The following PLP1 variants were observed in gnomAD, a reference collection of about 807,000 sequenced individuals.
The protein encoded by PLP1 is proteolipid protein 1.
PLP1 carries 2 observed loss-of-function variants against 18.5 expected under a neutral mutation model. That is an observed-to-expected ratio of 0.11 (90% CI 0.04 to 0.34). PLP1 has a LOEUF of 0.34. Among genes scored for constraint, PLP1 ranks in the 10% least tolerant of loss-of-function variants. PLP1 has a pLI of 1.00. For synonymous variants in PLP1, 86 were observed against 83.2 expected, an observed-to-expected ratio of 1.03 and a Z score of -0.19; for missense variants, 105 against 207.3, an observed-to-expected ratio of 0.51 and a Z score of 3.03.
intron 3 of PLP1, chrX:103,786,963 T>G (rs936839953): frequency 8.4e-5 from 36 of 426,403 alleles, no homozygotes; most frequent in Admixed American, 4.5e-4. Flanking sequence ...GCATGAGTTT[T>G]GTGGGATGCT....
chrX:103,789,132 CTGGGTGTTAA>C lies in PLP1; in HGVS notation c.697-196_697-187del, dbSNP rs773033228. 679 of 472,595 alleles carry C rather than the reference CTGGGTGTTAA, an allele frequency of 1.4e-3. 4 individuals are homozygous for C. Among genetic ancestry groups the C allele is most frequent in the South Asian group, 9.5e-3 (324 of 33,947 alleles). 38.9% of individuals were successfully genotyped at this position (472,595 alleles called of 1,213,427 possible). A position where few individuals can be genotyped will look rare whatever the true frequency, so the allele number is the denominator to read the frequency against. On this transcript the variant is annotated intron_variant, in intron 5 of 6. Coordinates refer to ENST00000621218, the MANE Select transcript of PLP1 (RefSeq NM_000533.5). ...TACTATTTCATGACTATTCTGTGAT[CTGGGTGTTAA>C]TGGGCCAGGTGCTATGGTGTACACT... is the stretch of plus-strand genomic sequence containing the variant.
chrX:103,784,835 G>T (rs2074481249), intron 1 of PLP1, among the ~76,000 whole-genome samples: 1 of 111,977 alleles, frequency 8.9e-6, no homozygotes, highest in Admixed American at 9.4e-5. Context: ...GGCAGAGTCT[G>T]TGTCTTTTCT....
chrX:103,786,616 G>T lies in PLP1; in HGVS notation c.343G>T (p.Ala115Ser). The change falls in exon 3 of 7, where the codon GCA becomes TCA. Residue 115 changes from alanine to serine, a missense_variant. Transcript: ENST00000621218. The stretch of plus-strand genomic sequence containing the variant: ...CACCATCTGCGGCAAGGGCCTGAGC[G>T]CAACGGTAACAGGGGGCCAGAAGGG... ...KTTICGKGLS[A>S]TVTGGQKGRG... The T allele has an allele frequency of 8.3e-7, 1 of 1,211,595 alleles. No individual in the cohort carries two copies.
At chrX:103,786,232 G>C (rs765207439) in intron 2 of PLP1, 2 of 1,140,638 alleles carry the variant, frequency 1.8e-6, no homozygotes, top group Non-Finnish European at 2.3e-6. Flanking sequence ...CAGGTCCCAG[G>C]GTAAGCAAGG....
At chrX:103,777,113 C>A (rs1409065016) in intron 1 of PLP1, 114 bp downstream of exon 1, 4 of 624,574 alleles carry the variant, frequency 6.4e-6, no homozygotes, top group Non-Finnish European at 1.1e-5. Context: ...TGTTTTGGCA[C>A]TTGTTTTCTT....
chrX:103,778,560 C>A (rs2074428865), intron 1 of PLP1, among the ~76,000 whole-genome samples: 1 of 111,141 alleles, frequency 9.0e-6, no homozygotes, highest in African/African-American at 3.3e-5. Flanking sequence ...GATGAAATCC[C>A]TGAGGAAAGG....
chrX:103,789,432 T>C (rs376342119), intron 6 of PLP1, 34 bp downstream of exon 6: 9 of 1,042,426 alleles, frequency 8.6e-6, no homozygotes, highest in Non-Finnish European at 1.2e-5. Context: ...GGCAAGTAAA[T>C]AGGCCTGAGA....
In PLP1 at chrX:103,792,320, G is replaced by A. The variant is rs2074550994; in HGVS notation, c.*1722G>A. Reference sequence around the variant, plus strand: ...AAGCTTCCAGGCTGCATAGAAGGAGGAGAGGGAAAATGTTTTGTAAGAAAC... The same window carrying A: ...AAGCTTCCAGGCTGCATAGAAGGAGAAGAGGGAAAATGTTTTGTAAGAAAC... On this transcript the variant is annotated 3_prime_UTR_variant, in exon 7 of 7. Coordinates refer to ENST00000621218, the MANE Select transcript of PLP1 (RefSeq NM_000533.5). 1 of 112,224 alleles carries A rather than the reference G, an allele frequency of 8.9e-6. No homozygotes were observed. Among genetic ancestry groups the A allele is most frequent in the Admixed American group, 9.5e-5 (1 of 10,557 alleles). 9.2% of individuals were successfully genotyped at this position (112,224 alleles called of 1,213,427 possible). A position where few individuals can be genotyped will look rare whatever the true frequency, so the allele number is the denominator to read the frequency against.
chrX:103,782,728 G>T (rs555194400), intron 1 of PLP1, among the ~76,000 whole-genome samples: 43 of 111,973 alleles, frequency 3.8e-4, no homozygotes, highest in Middle Eastern at 4.2e-3. Context: ...ACTTGCTAGG[G>T]TGGATGGCTC....
chrX:103,787,403 G>T, intron 3 of PLP1: 1 of 223,371 alleles, frequency 4.5e-6, no homozygotes, highest in Non-Finnish European at 8.1e-6. Context: ...TATTGGCTTT[G>T]TTCAATGGCT....
chrX:103,786,432 T>C, intron 2 of PLP1, 33 bp from the exon 3 acceptor site: 4 of 1,194,714 alleles, frequency 3.3e-6, no homozygotes, highest in Non-Finnish European at 4.5e-6. Context: ...TTAATAAGAT[T>C]CCCTGGTCTC....
At chrX:103,780,999 G>A (rs1339725227) in intron 1 of PLP1, 1 of 149,051 alleles carries the variant, frequency 6.7e-6, no homozygotes, top group Non-Finnish European at 1.3e-5. Flanking sequence ...CTCACTCAAT[G>A]AGCCTGCCTG....
chrX:103,785,106 G>A (rs1198286433), intron 1 of PLP1, among the ~76,000 whole-genome samples: 5 of 107,989 alleles, frequency 4.6e-5, no homozygotes, highest in African/African-American at 6.8e-5. Context: ...ACAGAGTCTC[G>A]CTCTTACTGC....
At position 103,790,758 on chromosome X, in the gene PLP1, C is replaced by T. The variant is rs1045945132; in HGVS notation, c.*160C>T. The T allele has an allele frequency of 1.8e-5, 9 of 503,096 alleles. No individual in the cohort carries two copies. The African/African-American group carries it at 1.9e-4, about 10-fold the overall frequency. 41.5% of individuals were successfully genotyped at this position (503,096 alleles called of 1,213,427 possible). ...GAGAGTCTTGCAGTGATTAAGGTCT[C>T]TCTTTGGACTCTCCCCTCTTATGTA... On this transcript the variant is annotated 3_prime_UTR_variant, in exon 7 of 7. Transcript: ENST00000621218.
At position 103,782,814 on chromosome X, in the gene PLP1, G is replaced by T. The variant is rs373973633; in HGVS notation, c.5-2768G>T. ...CCCCCTCCCCACCCCCCGGCTGCAG[G>T]CCCCTGTGGAATACCAATCAGGCTC... On this transcript the variant is annotated intron_variant, in intron 1 of 6. Coordinates refer to ENST00000621218, the MANE Select transcript of PLP1 (RefSeq NM_000533.5). Among the ~76,000 whole-genome samples, 798 of 111,557 alleles carry T rather than the reference G, an allele frequency of 7.2e-3. 6 individuals are homozygous for T. Among genetic ancestry groups the T allele is most frequent in the African/African-American group, 0.025 (753 of 30,672 alleles).
intron 4 of PLP1, 139 bp downstream of exon 4, chrX:103,788,105 C>A (rs1326676950): frequency 7.1e-6 from 4 of 564,242 alleles, no homozygotes; most frequent in Non-Finnish European, 1.2e-5. Context: ...GTTTATTAAT[C>A]CTTCCCTACT....
Position 103,786,414 on chromosome X carries a change from G to T in PLP1, c.192-51G>T. 4.3e-6 allele frequency: 5 copies of T among 1,172,755 alleles called. No individual in the cohort carries two copies. The South Asian group carries it at 7.1e-5, about 17-fold the overall frequency. Reference sequence around the variant, plus strand: ...TCACTTATGTCGGGAAAGAAGCCAGGTCTTCAATTAATAAGATTCCCTGGT... The same window carrying T: ...TCACTTATGTCGGGAAAGAAGCCAGTTCTTCAATTAATAAGATTCCCTGGT... On this transcript the variant is annotated intron_variant, in intron 2 of 6. Coordinates refer to ENST00000621218, the MANE Select transcript of PLP1 (RefSeq NM_000533.5).
intron 3 of PLP1, 78 bp from the exon 4 acceptor site, chrX:103,787,720 C>G: frequency 2.3e-6 from 2 of 881,977 alleles, no homozygotes; most frequent in Non-Finnish European, 3.4e-6. Flanking sequence ...GCACACGCCA[C>G]TCCAGGATCT....
In PLP1 at chrX:103,791,428, T is replaced by G. The variant is rs2074544761; in HGVS notation, c.*830T>G. On this transcript the variant is annotated 3_prime_UTR_variant, in exon 7 of 7. Coordinates refer to ENST00000621218, the MANE Select transcript of PLP1 (RefSeq NM_000533.5). Reference sequence around the variant, plus strand: ...GAGAATAGAAGGAAACTAGCTTACATGAGAACAGACTGGCCTGAGGAGCAG... The same window carrying G: ...GAGAATAGAAGGAAACTAGCTTACAGGAGAACAGACTGGCCTGAGGAGCAG... 1 of 112,495 alleles carries G rather than the reference T, an allele frequency of 8.9e-6. No homozygotes were observed. Among genetic ancestry groups the G allele is most frequent in the African/African-American group, 3.2e-5 (1 of 30,813 alleles). The allele number at this position is 112,495 out of a possible 1,213,427, so 9.3% of individuals were successfully genotyped here.
Sources: allele counts gnomAD v4.1 joint callset (sites outside exome capture counted in the v4.1 genomes callset), GRCh38; gene constraint gnomAD v4.1.1; transcripts MANE v1.5; gene names NCBI Gene and HGNC (gene_info 2026-07-23, HGNC 2026-07-21).